Variants in VAC14 observed in about 807,000 individuals in gnomAD.
VAC14 encodes the protein VAC14 component of PIKFYVE complex.
A neutral mutation model predicts 85.3 loss-of-function variants in VAC14; 47 were observed. The observed-to-expected ratio is 0.55, with a 90% CI of 0.44 to 0.70. VAC14 has a LOEUF of 0.70. VAC14 is among the 30% of genes least tolerant of loss of function. The probability of loss-of-function intolerance (pLI) is 0.00; values close to 1 mark genes in which losing one functional copy is unlikely to be tolerated. For synonymous variants in VAC14, 447 were observed against 430.5 expected (o/e 1.04, Z -0.47); for missense variants, 861 against 1,004.3 (o/e 0.86, Z 1.93).
At chr16:70,691,368 C>T (rs1370131985) in intron 18 of VAC14, 4 of 985,486 alleles carry the variant, frequency 4.1e-6, no homozygotes, top group Non-Finnish European at 4.8e-6. Context: ...CTGCACCTTC[C>T]CCTCCTGGGT....
intron 13 of VAC14, among the ~76,000 whole-genome samples, chr16:70,735,110 C>A (rs545164116): frequency 6.6e-6 from 1 of 152,160 alleles, no homozygotes; most frequent in Non-Finnish European, 1.5e-5. Context: ...CAGGAAATGA[C>A]GCTGTGAAGA....
At chr16:70,797,772 T>G (rs1446750532) in intron 1 of VAC14, among the ~76,000 whole-genome samples, 1 of 152,132 alleles carries the variant, frequency 6.6e-6, no homozygotes, top group South Asian at 2.1e-4. Flanking sequence ...GTTCTTGTGA[T>G]AGTGAGTTCT....
intron 10 of VAC14, chr16:70,768,393 A>T (rs749445973): frequency 4.0e-4 from 65 of 163,118 alleles, no homozygotes; most frequent in Non-Finnish European, 7.9e-4. Context: ...CACCCAGTGG[A>T]GACATTTCTC....
chr16:70,697,438 C>G (rs976091227), intron 15 of VAC14, among the ~76,000 whole-genome samples, 181 bp from the exon 16 acceptor site: 5 of 152,220 alleles, frequency 3.3e-5, no homozygotes, highest in Non-Finnish European at 1.5e-5. Flanking sequence ...GCTGACAGCT[C>G]CTTCGCAGAC....
intron 9 of VAC14, among the ~76,000 whole-genome samples, chr16:70,776,443 T>G (rs528522865): frequency 6.6e-6 from 1 of 152,338 alleles, no homozygotes; most frequent in Non-Finnish European, 1.5e-5. Flanking sequence ...GGCCCTGTCA[T>G]GGACTTTCAC....
At chr16:70,720,978 T>C (rs913257119) in intron 14 of VAC14, among the ~76,000 whole-genome samples, 7 of 152,194 alleles carry the variant, frequency 4.6e-5, no homozygotes, top group Non-Finnish European at 1.0e-4. Context: ...ACTTGAATCA[T>C]CTCAGCTTGG....
rs1038319515 is a variant in VAC14 at position 70,789,377 on chromosome 16, T to C, written c.105-3012A>G. Among the ~76,000 whole-genome samples, 5 of 152,214 alleles carry C rather than the reference T, an allele frequency of 3.3e-5. No homozygotes were observed. The East Asian group carries it at 7.7e-4, about 23-fold the overall frequency. On this transcript the variant is annotated intron_variant, in intron 1 of 18. Coordinates refer to ENST00000261776, the MANE Select transcript of VAC14 (RefSeq NM_018052.5). Reference sequence around the variant, plus strand: ...TCCCTCCTGCTCTGCAGCCTGAGTGTTCCATTCTTGCAACTGTGCTGATGT... The same window carrying C: ...TCCCTCCTGCTCTGCAGCCTGAGTGCTCCATTCTTGCAACTGTGCTGATGT...
chr16:70,783,221 G>T, intron 6 of VAC14, 82 bp from the exon 7 acceptor site: 1 of 1,456,010 alleles, frequency 6.9e-7, no homozygotes, highest in Non-Finnish European at 9.4e-7. Flanking sequence ...TTTCCGTGCT[G>T]GGTCAGCCAC....
chr16:70,734,323 G>A (rs1221349476), intron 13 of VAC14, among the ~76,000 whole-genome samples: 1 of 151,400 alleles, frequency 6.6e-6, no homozygotes, highest in African/African-American at 2.4e-5. Flanking sequence ...CTTTGAGATG[G>A]GGTCTCCCTA....
chr16:70,687,505 G>A lies in VAC14; in HGVS notation c.*423C>T, dbSNP rs2053515129. 6.5e-6 allele frequency: 1 copy of A among 154,102 alleles called. No individual in the cohort carries two copies. The highest frequency in any genetic ancestry group is 1.4e-5 in the Non-Finnish European group (1 of 70,404). The allele number at this position is 154,102 out of a possible 1,614,324, so 9.5% of individuals were successfully genotyped here. A position where few individuals can be genotyped will look rare whatever the true frequency, so the allele number is the denominator to read the frequency against. ...GTGCATCATTCAGATCTTTGTGCTGGTGCCTACGTGCATACAAGTACACAC... is the reference window on the plus strand; with the variant it reads ...GTGCATCATTCAGATCTTTGTGCTGATGCCTACGTGCATACAAGTACACAC... On this transcript the variant is annotated 3_prime_UTR_variant, in exon 19 of 19. Transcript: ENST00000261776.
chr16:70,772,197 G>A (rs374606246), intron 9 of VAC14, 25 bp from the exon 10 acceptor site: 4 of 1,606,440 alleles, frequency 2.5e-6, no homozygotes, highest in Admixed American at 3.3e-5. Context: ...GGAACAAGGG[G>A]TCATGAAAGG....
At chr16:70,799,444 T>C (rs748989079) in intron 1 of VAC14, among the ~76,000 whole-genome samples, 8 of 152,188 alleles carry the variant, frequency 5.3e-5, no homozygotes, top group Non-Finnish European at 1.0e-4. Flanking sequence ...GGATTTCTTA[T>C]CAAGGTCCGA....
intron 8 of VAC14, among the ~76,000 whole-genome samples, chr16:70,781,337 T>C (rs925386952): frequency 3.9e-5 from 6 of 152,198 alleles, no homozygotes; most frequent in Non-Finnish European, 7.3e-5. Context: ...TCTTTATAAA[T>C]TACCCAGCCT....
intron 13 of VAC14, among the ~76,000 whole-genome samples, chr16:70,743,509 G>A (rs562834821): frequency 7.9e-5 from 12 of 152,324 alleles, no homozygotes; most frequent in Non-Finnish European, 1.6e-4. Context: ...GCAAAGGTCC[G>A]TGGCTTCATT....
intron 13 of VAC14, 124 bp downstream of exon 13, chr16:70,744,299 C>A: frequency 7.3e-7 from 1 of 1,361,908 alleles, no homozygotes; most frequent in Non-Finnish European, 9.9e-7. Flanking sequence ...ACCCACAGAC[C>A]CCTCACACCC....
intron 1 of VAC14, among the ~76,000 whole-genome samples, chr16:70,795,494 TAAAAAAAAA>T (rs71153603): frequency 1.1e-5 from 1 of 91,928 alleles, no homozygotes; most frequent in South Asian, 3.5e-4. Flanking sequence ...AGACTCTGTC[TAAAAAAAAA>T]AAAAAAAAAA....
intron 10 of VAC14, among the ~76,000 whole-genome samples, chr16:70,767,859 T>G (rs2032933076): frequency 6.6e-6 from 1 of 152,194 alleles, no homozygotes; most frequent in African/African-American, 2.4e-5. Flanking sequence ...TGCTATGTTC[T>G]TTACATACTT....
chr16:70,783,232 C>A, intron 6 of VAC14, 93 bp from the exon 7 acceptor site: 5 of 1,374,372 alleles, frequency 3.6e-6, no homozygotes, highest in Non-Finnish European at 5.1e-6. Flanking sequence ...GGTCAGCCAC[C>A]CAGAGGGCGG....
intron 12 of VAC14, among the ~76,000 whole-genome samples, chr16:70,758,807 T>C (rs913284633): frequency 6.6e-5 from 10 of 152,158 alleles, no homozygotes; most frequent in Admixed American, 3.3e-4. Flanking sequence ...AACAATCAGA[T>C]CTCTAGCTAT....
Sources: allele counts gnomAD v4.1 joint callset (sites outside exome capture counted in the v4.1 genomes callset), GRCh38; gene constraint gnomAD v4.1.1; transcripts MANE v1.5; gene names NCBI Gene and HGNC (gene_info 2026-07-23, HGNC 2026-07-21).